The following ZNF641 variants were observed in gnomAD, a reference collection of about 807,000 sequenced individuals.
ZNF641 encodes zinc finger protein 641.
A neutral mutation model predicts 46.2 loss-of-function variants in ZNF641; 26 were observed. That is an observed-to-expected ratio of 0.56 (90% CI 0.41 to 0.78). The LOEUF (loss-of-function observed/expected upper bound fraction) is 0.78, where lower values mean the gene tolerates loss of function less well. ZNF641 is among the 30% of genes least tolerant of loss of function. The pLI, the probability that ZNF641 is intolerant of heterozygous loss-of-function variation, is 0.00. For missense variants in ZNF641, 469 were observed against 517.8 expected (o/e 0.91, Z 0.91); for synonymous variants, 163 against 187.9 (o/e 0.87, Z 1.09).
Position 48,340,189 on chromosome 12 carries a change from G to T in ZNF641, c.*2784C>A. 1.0e-6 allele frequency: 1 copy of T among 985,422 alleles called. No individual in the cohort carries two copies. Among genetic ancestry groups the T allele is most frequent in the Non-Finnish European group, 1.2e-6 (1 of 829,938 alleles). The allele number at this position is 985,422 out of a possible 1,614,324, so 61.0% of individuals were successfully genotyped here. A position where few individuals can be genotyped will look rare whatever the true frequency, so the allele number is the denominator to read the frequency against. ...GGTGGTGTTGGACCGAGGTAGAGAAGACAGTGGTACACCAGAAATAACCCA... is the reference window on the plus strand; with the variant it reads ...GGTGGTGTTGGACCGAGGTAGAGAATACAGTGGTACACCAGAAATAACCCA... On this transcript the variant is annotated 3_prime_UTR_variant, in exon 6 of 6. Transcript: ENST00000547026.
At chr12:48,350,094 G>A (rs556964051) in intron 1 of ZNF641, 1 of 1,614,148 alleles carries the variant, frequency 6.2e-7, no homozygotes, top group South Asian at 1.1e-5. Flanking sequence ...GCCAGCACCT[G>A]GGCGGTTAAG....
chr12:48,343,835 C>A, intron 5 of ZNF641, 108 bp from the exon 6 acceptor site: 2 of 1,065,836 alleles, frequency 1.9e-6, no homozygotes, highest in South Asian at 1.9e-5. Context: ...CAGACTTGAC[C>A]CCAGAAGGGC....
rs1435588041 is a variant in ZNF641, at chr12:48,347,358, G to A, written c.185-15C>T. On this transcript the variant is annotated splice_polypyrimidine_tract_variant and intron_variant, in intron 2 of 5. Coordinates refer to ENST00000547026, the MANE Select transcript of ZNF641 (RefSeq NM_001172681.2). ...AGCAGACTGAGCTGATAAGGAGAGAGAAGAAACATTAGAGAATAACGATCT... is the reference window on the plus strand; with the variant it reads ...AGCAGACTGAGCTGATAAGGAGAGAAAAGAAACATTAGAGAATAACGATCT... 6.3e-7 allele frequency: 1 copy of A among 1,597,376 alleles called. No individual in the cohort carries two copies. The highest frequency in any genetic ancestry group is 1.1e-5 in the South Asian group (1 of 89,528).
chr12:48,347,923 C>A lies in ZNF641; in HGVS notation c.168G>T (p.Gln56His). 6.2e-7 allele frequency: 1 copy of A among 1,614,196 alleles called. No homozygotes were observed. Residue 56 changes from glutamine (Q) to histidine (H), a missense_variant, in exon 2 of 6, where the codon CAG (glutamine) becomes CAT (histidine). This residue lies in a region of ZNF641 where 98 missense variants were observed against 105.7 expected (regional missense o/e 0.93). Transcript: ENST00000547026. ...HLCCDLEEEP[Q>H]SLQEKAQSAP... ...AGTTCTCACCCTTCTCCTGAAGGGA[C>A]TGTGGCTCCTCTTCAAGGTCACAGC...
chr12:48,348,509 A>AC (rs1952942063), intron 1 of ZNF641, among the ~76,000 whole-genome samples: 1 of 152,186 alleles, frequency 6.6e-6, no homozygotes, highest in Non-Finnish European at 1.5e-5. Context: ...ATACATATAG[A>AC]CCTGCACTCA....
rs1432027237 is a variant in ZNF641 at position 48,340,890 on chromosome 12, C to CTGA, written c.*2080_*2082dup. On this transcript the variant is annotated 3_prime_UTR_variant, in exon 6 of 6. Coordinates refer to ENST00000547026, the MANE Select transcript of ZNF641 (RefSeq NM_001172681.2). ...TTACTCCCTGGGGCATCTCCTAATACTGATCCTAAAATGCTCCTGTTTCTG... is the reference window on the plus strand; with the variant it reads ...TTACTCCCTGGGGCATCTCCTAATACTGATGATCCTAAAATGCTCCTGTTTCTG... 6 of 985,350 alleles carry CTGA rather than the reference C, an allele frequency of 6.1e-6. No homozygotes were observed. In the African/African-American group the frequency reaches 1.0e-4, roughly 17 times the overall value. The allele number at this position is 985,350 out of a possible 1,614,324, so 61.0% of individuals were successfully genotyped here.
At position 48,350,892 on chromosome 12, in the gene ZNF641, G is replaced by A. The variant is rs1472760759; in HGVS notation, c.-132C>T. The A allele has an allele frequency of 4.1e-6, 4 of 984,008 alleles. No individual in the cohort carries two copies. Among genetic ancestry groups the A allele is most frequent in the South Asian group, 9.4e-5 (2 of 21,270 alleles). 61.0% of individuals were successfully genotyped at this position (984,008 alleles called of 1,614,324 possible). On this transcript the variant is annotated 5_prime_UTR_variant, in exon 1 of 6. Transcript: ENST00000547026. Reference sequence around the variant, plus strand: ...GGAGCCGGCGGCCGGCGGAGCCAGCGACAGGCGGAGACGGCGGCCCGGCAG... The same window carrying A: ...GGAGCCGGCGGCCGGCGGAGCCAGCAACAGGCGGAGACGGCGGCCCGGCAG...
intron 3 of ZNF641, 175 bp downstream of exon 3, chr12:48,347,077 C>A: frequency 2.6e-6 from 3 of 1,159,870 alleles, no homozygotes; most frequent in Non-Finnish European, 3.5e-6. Context: ...CTTGTAGGTC[C>A]ATTTAATTTT....
chr12:48,336,527 G>A (rs1347588999), downstream of ZNF641, among the ~76,000 whole-genome samples: 2 of 152,194 alleles, frequency 1.3e-5, no homozygotes, highest in East Asian at 1.9e-4. Context: ...GAGGAGCCAC[G>A]CCTTTGACTT....
chr12:48,349,841 C>G (rs1447929977), intron 1 of ZNF641, among the ~76,000 whole-genome samples: 2 of 152,200 alleles, frequency 1.3e-5, no homozygotes, highest in Admixed American at 1.3e-4. Context: ...AGCTCCTGTG[C>G]AAATCCTCCC....
upstream of ZNF641, chr12:48,351,196 T>A (rs1450225620): frequency 2.0e-5 from 3 of 152,306 alleles, no homozygotes; most frequent in Admixed American, 1.3e-4. Context: ...CCCGCACTCT[T>A]GCCTGACTGA....
At position 48,342,974 on chromosome 12, in the gene ZNF641, C is replaced by T. The variant is rs758141733; in HGVS notation, c.1274G>A (p.Ter425=). ...CCATAGCTGTAGTGGAAACAGATTT[C>T]AAAAGACAGATGTTCCTCTGTCCCA... ...NSWDRGTSVF[*] Residue 425 remains the stop codon, a stop_retained_variant, in exon 6 of 6, where the codon TGA becomes TAA. Coordinates refer to ENST00000547026, the MANE Select transcript of ZNF641 (RefSeq NM_001172681.2). The T allele has an allele frequency of 6.2e-7, 1 of 1,606,834 alleles. No individual in the cohort carries two copies.
At chr12:48,343,827 G>T in intron 5 of ZNF641, 100 bp from the exon 6 acceptor site, 1 of 1,182,268 alleles carries the variant, frequency 8.5e-7, no homozygotes, top group African/African-American at 1.5e-5. Flanking sequence ...CCAGGGCCCA[G>T]ACTTGACCCC....
downstream of ZNF641, among the ~76,000 whole-genome samples, chr12:48,336,205 C>T (rs116236221): frequency 6.6e-3 from 1,006 of 152,274 alleles, 18 homozygotes; most frequent in African/African-American, 0.023. Flanking sequence ...GGGAAACAGG[C>T]ACTCATATAC....
chr12:48,336,415 G>A (rs1478970942), downstream of ZNF641, among the ~76,000 whole-genome samples: 1 of 152,222 alleles, frequency 6.6e-6, no homozygotes, highest in African/African-American at 2.4e-5. Context: ...TGAGGCCCAA[G>A]GGCAACAAAA....
At position 48,350,826 on chromosome 12, in the gene ZNF641, G is replaced by C; in HGVS notation, c.-66C>G. Reference sequence around the variant, plus strand: ...CCCGCGGCCCGGTGCCTCCCTCCCGGGCGCCGCCTGCCCCTCCCCTCCGCC... The same window carrying C: ...CCCGCGGCCCGGTGCCTCCCTCCCGCGCGCCGCCTGCCCCTCCCCTCCGCC... On this transcript the variant is annotated 5_prime_UTR_variant, in exon 1 of 6. Coordinates refer to ENST00000547026, the MANE Select transcript of ZNF641 (RefSeq NM_001172681.2). 1.0e-6 allele frequency: 1 copy of C among 985,186 alleles called. No homozygotes were observed. Among genetic ancestry groups the C allele is most frequent in the African/African-American group, 1.7e-5 (1 of 57,344 alleles). The allele number at this position is 985,186 out of a possible 1,614,324, so 61.0% of individuals were successfully genotyped here.
At position 48,341,221 on chromosome 12, in the gene ZNF641, GGTTCATTCCACCAA is replaced by G; in HGVS notation, c.*1738_*1751del. 1.0e-6 allele frequency: 1 copy of G among 985,388 alleles called. No homozygotes were observed. The allele number at this position is 985,388 out of a possible 1,614,324, so 61.0% of individuals were successfully genotyped here. On this transcript the variant is annotated 3_prime_UTR_variant, in exon 6 of 6. Transcript: ENST00000547026. Reference sequence around the variant, plus strand: ...GCAATTCACTTCCTCTTGCCTCTCTGGTTCATTCCACCAATTGTGGTTGAGAAACACATCTTAGG... The same window carrying G: ...GCAATTCACTTCCTCTTGCCTCTCTGTTGTGGTTGAGAAACACATCTTAGG...
rs752600513 is a variant in ZNF641, at chr12:48,345,455, T to G, written c.296A>C (p.Asp99Ala). The change falls in exon 4 of 6, where the codon GAT becomes GCT. Residue 99 changes from aspartate to alanine, a missense_variant. Physicochemically the swap from Asp to Ala is moderately radical, Grantham distance 126. Around this residue, in one of 3 missense-constraint regions of ZNF641, gnomAD observed 25 missense variants for 58.1 expected, o/e 0.43. Transcript: ENST00000547026. ...AGSQGLVTIK[D>A]VSLCFSQEEW... ...CTCCTGAGAGAAGCACAGTGACACATCCTTGATGGTTACCAGGCCCTGAAA... is the reference window on the plus strand; with the variant it reads ...CTCCTGAGAGAAGCACAGTGACACAGCCTTGATGGTTACCAGGCCCTGAAA... 6.2e-7 allele frequency: 1 copy of G among 1,614,224 alleles called. No individual in the cohort carries two copies. The highest frequency in any genetic ancestry group is 2.2e-5 in the East Asian group (1 of 44,892).
rs1374145794 is a variant in ZNF641 at position 48,350,188 on chromosome 12, C to T, written c.-26+598G>A. On this transcript the variant is annotated intron_variant, in intron 1 of 5. Coordinates refer to ENST00000547026, the MANE Select transcript of ZNF641 (RefSeq NM_001172681.2). ...TGGGTTCTAGGGCTTTCATTTCCCC[C>T]TTTTCTTCACACATATGGGTAGCAA... 13 of 1,557,128 alleles carry T rather than the reference C, an allele frequency of 8.3e-6. No individual in the cohort carries two copies. The East Asian group carries it at 2.6e-4, about 31-fold the overall frequency.
Sources: allele counts gnomAD v4.1 joint callset (sites outside exome capture counted in the v4.1 genomes callset), GRCh38; gene constraint gnomAD v4.1.1; regional missense constraint gnomAD v4.1.1; transcripts MANE v1.5; gene names NCBI Gene and HGNC (gene_info 2026-07-23, HGNC 2026-07-21).